Variants in MSI2 observed in about 807,000 individuals in gnomAD.
The protein encoded by MSI2 is musashi RNA binding protein 2.
MSI2 carries 17 observed loss-of-function variants against 45.6 expected under a neutral mutation model. That is an observed-to-expected ratio of 0.37 (90% CI 0.26 to 0.56). MSI2 has a LOEUF of 0.56. Among genes scored for constraint, MSI2 ranks in the 20% least tolerant of loss-of-function variants. MSI2 has a pLI of 0.77. For missense variants in MSI2, 293 were observed against 444.2 expected (o/e 0.66, Z 3.06); for synonymous variants, 156 against 158.2 (o/e 0.99, Z 0.11).
chr17:57,313,874 G>A (rs1912622599), intron 5 of MSI2, among the ~76,000 whole-genome samples: 1 of 152,186 alleles, frequency 6.6e-6, no homozygotes, highest in South Asian at 2.1e-4. Flanking sequence ...GGCCTGCTGG[G>A]GTGGGTCCGG....
intron 11 of MSI2, among the ~76,000 whole-genome samples, chr17:57,669,481 G>C (rs560201555): frequency 6.6e-6 from 1 of 152,242 alleles, no homozygotes; most frequent in African/African-American, 2.4e-5. Context: ...GCCTGGAGGA[G>C]TTTCTTGCTA....
chr17:57,672,642 G>A (rs1326092892), intron 11 of MSI2, among the ~76,000 whole-genome samples: 3 of 152,162 alleles, frequency 2.0e-5, no homozygotes, highest in Non-Finnish European at 4.4e-5. Flanking sequence ...AAAACTTTCC[G>A]TCTACCACTG....
intron 8 of MSI2, among the ~76,000 whole-genome samples, chr17:57,607,655 C>T (rs1484626180): frequency 1.3e-5 from 2 of 152,108 alleles, no homozygotes; most frequent in East Asian, 1.9e-4. Flanking sequence ...AGGCCGTTCT[C>T]GCGTTGCTAT....
intron 6 of MSI2, among the ~76,000 whole-genome samples, chr17:57,516,971 T>C (rs1185705988): frequency 6.6e-6 from 1 of 152,062 alleles, no homozygotes. Flanking sequence ...CCTTGAAGAG[T>C]TTATGATCCT....
intron 5 of MSI2, among the ~76,000 whole-genome samples, chr17:57,391,959 C>G (rs2083800607): frequency 6.6e-6 from 1 of 152,194 alleles, no homozygotes; most frequent in Non-Finnish European, 1.5e-5. Context: ...TGGGGTCTTC[C>G]CCATAGTGGG....
At chr17:57,382,237 G>A (rs1462254246) in intron 5 of MSI2, among the ~76,000 whole-genome samples, 1 of 152,178 alleles carries the variant, frequency 6.6e-6, no homozygotes, top group African/African-American at 2.4e-5. Context: ...TGACCAGAAA[G>A]CTTACTTTCT....
intron 6 of MSI2, among the ~76,000 whole-genome samples, chr17:57,507,223 C>CTGTG (rs1436640773): frequency 7.8e-4 from 86 of 109,870 alleles, no homozygotes; most frequent in South Asian, 5.0e-3. Context: ...GTCTTTGTCT[C>CTGTG]TCTGTGTGTG....
At chr17:57,647,335 G>A in intron 10 of MSI2, among the ~76,000 whole-genome samples, 1 of 146,640 alleles carries the variant, frequency 6.8e-6, no homozygotes, top group East Asian at 2.0e-4. Flanking sequence ...TGTCATCCCA[G>A]CTACTTGGAA....
chr17:57,501,050 C>T (rs2086095509), intron 6 of MSI2, among the ~76,000 whole-genome samples: 1 of 152,154 alleles, frequency 6.6e-6, no homozygotes, highest in African/African-American at 2.4e-5. Context: ...TGTGTAAATG[C>T]TCTGTCACAC....
rs1331912431 is a variant in MSI2 at position 57,683,011 on chromosome 17, G to A, written c.*3494G>A. 4.8e-5 allele frequency: 11 copies of A among 229,620 alleles called. No individual in the cohort carries two copies. The highest frequency in any genetic ancestry group is 7.8e-5 in the Non-Finnish European group (9 of 115,996). The allele number at this position is 229,620 out of a possible 1,614,324, so 14.2% of individuals were successfully genotyped here. A position where few individuals can be genotyped will look rare whatever the true frequency, so the allele number is the denominator to read the frequency against. On this transcript the variant is annotated 3_prime_UTR_variant, in exon 14 of 14. Coordinates refer to ENST00000284073, the MANE Select transcript of MSI2 (RefSeq NM_138962.4). This position sits in a 1 kb window ranked among gnomAD's most constrained non-coding sequence, Gnocchi z 5.2. ...ATATCCACTGGGAACAAACAGCCTCGCGCTCTATACCAAACAGCCTCGCGC... is the reference window on the plus strand; with the variant it reads ...ATATCCACTGGGAACAAACAGCCTCACGCTCTATACCAAACAGCCTCGCGC...
intron 5 of MSI2, among the ~76,000 whole-genome samples, chr17:57,301,131 C>T (rs1286680186): frequency 1.3e-5 from 2 of 152,134 alleles, no homozygotes; most frequent in Non-Finnish European, 2.9e-5. Context: ...GTTACAACCC[C>T]AGTTAGTGAA....
chr17:57,472,873 C>G (rs554135954), intron 6 of MSI2, among the ~76,000 whole-genome samples: 46 of 152,014 alleles, frequency 3.0e-4, no homozygotes, highest in African/African-American at 9.9e-4. Context: ...TGAGTTTTCC[C>G]AACAAGCCAC....
At chr17:57,608,047 A>G (rs979638913) in intron 8 of MSI2, among the ~76,000 whole-genome samples, 8 of 152,150 alleles carry the variant, frequency 5.3e-5, no homozygotes, top group Admixed American at 3.9e-4. Flanking sequence ...TCCAAACTAT[A>G]TGACTACCTG....
At chr17:57,308,755 T>G (rs1912127582) in intron 5 of MSI2, among the ~76,000 whole-genome samples, 1 of 152,174 alleles carries the variant, frequency 6.6e-6, no homozygotes, top group African/African-American at 2.4e-5. Context: ...GAGAGTCTTC[T>G]CAGAGACTGG....
At chr17:57,309,726 A>T (rs568917601) in intron 5 of MSI2, among the ~76,000 whole-genome samples, 33 of 152,294 alleles carry the variant, frequency 2.2e-4, no homozygotes, top group African/African-American at 7.9e-4. Flanking sequence ...GATCCTGCTC[A>T]GGAAGGAGTC....
chr17:57,631,967 CT>C, intron 10 of MSI2: 1 of 1,449,664 alleles, frequency 6.9e-7, no homozygotes, highest in South Asian at 1.5e-5. Flanking sequence ...AATGACTGTT[CT>C]TTTTCTCATT....
intron 7 of MSI2, among the ~76,000 whole-genome samples, chr17:57,559,980 G>T (rs2087533555): frequency 6.6e-6 from 1 of 152,254 alleles, no homozygotes; most frequent in African/African-American, 2.4e-5. Context: ...CAGTTCTTCA[G>T]CAGGATGCTG....
intron 5 of MSI2, among the ~76,000 whole-genome samples, chr17:57,377,145 C>T (rs748755496): frequency 2.0e-5 from 3 of 152,186 alleles, no homozygotes; most frequent in Non-Finnish European, 2.9e-5. Flanking sequence ...TGGTCTCGAT[C>T]TCCTGACCTT....
intron 6 of MSI2, among the ~76,000 whole-genome samples, chr17:57,493,170 A>G (rs1255301866): frequency 6.6e-6 from 1 of 152,176 alleles, no homozygotes; most frequent in Non-Finnish European, 1.5e-5. Context: ...GGCACCTTGG[A>G]GACGTGAGGA....
Sources: allele counts gnomAD v4.1 joint callset (sites outside exome capture counted in the v4.1 genomes callset), GRCh38; gene constraint gnomAD v4.1.1; non-coding constraint Gnocchi (gnomAD v3.1); transcripts MANE v1.5; gene names NCBI Gene and HGNC (gene_info 2026-07-23, HGNC 2026-07-21).